WSCD2: variants seen among roughly 807,000 people sequenced by gnomAD.
WSCD2 encodes the protein sialate:O-sulfotransferase 2.
WSCD2 carries 28 observed loss-of-function variants against 55.7 expected under a neutral mutation model. That is an observed-to-expected ratio of 0.50 (90% CI 0.37 to 0.69). WSCD2 has a LOEUF of 0.69. WSCD2 is among the 30% of genes least tolerant of loss of function. WSCD2 has a pLI of 0.00. For synonymous variants in WSCD2, 301 were observed against 301.9 expected (o/e 1.00, Z 0.03); for missense variants, 616 against 762.1 (o/e 0.81, Z 2.26).
intron 1 of WSCD2, among the ~76,000 whole-genome samples, chr12:108,193,646 CGAAT>C (rs1565951213): frequency 6.6e-6 from 1 of 151,148 alleles, no homozygotes. Flanking sequence ...GATGGGTTAA[CGAAT>C]GGATGGGTGG....
chr12:108,230,931 A>G (rs1232493059), intron 6 of WSCD2, among the ~76,000 whole-genome samples: 2 of 152,186 alleles, frequency 1.3e-5, no homozygotes, highest in African/African-American at 2.4e-5. Flanking sequence ...TCTGCTGGCA[A>G]TGTGGCGGTG....
At chr12:108,134,250 C>A (rs776130758) in intron 1 of WSCD2, among the ~76,000 whole-genome samples, 6 of 152,128 alleles carry the variant, frequency 3.9e-5, no homozygotes, top group Non-Finnish European at 2.9e-5. Flanking sequence ...CTCCCTGTAT[C>A]CATGCCCTTA....
intron 1 of WSCD2, among the ~76,000 whole-genome samples, chr12:108,167,079 TG>T (rs1339714436): frequency 6.6e-6 from 1 of 152,088 alleles, no homozygotes; most frequent in Non-Finnish European, 1.5e-5. Flanking sequence ...CCCAAAGTGC[TG>T]GGATTATAGG....
At chr12:108,159,564 A>G (rs1397490662) in intron 1 of WSCD2, among the ~76,000 whole-genome samples, 1 of 152,222 alleles carries the variant, frequency 6.6e-6, no homozygotes, top group African/African-American at 2.4e-5. Flanking sequence ...AGTCTGGCAC[A>G]TCATAGATGC....
chr12:108,243,469 C>A (rs1401913046), intron 8 of WSCD2, among the ~76,000 whole-genome samples: 1 of 152,206 alleles, frequency 6.6e-6, no homozygotes, highest in Admixed American at 6.5e-5. Context: ...AATCTGACCT[C>A]GTGATCCACC....
intron 1 of WSCD2, among the ~76,000 whole-genome samples, chr12:108,147,505 G>A (rs1274543257): frequency 7.9e-5 from 12 of 151,988 alleles, no homozygotes; most frequent in Non-Finnish European, 5.9e-5. Context: ...GCAGGGGAAG[G>A]GAGGGTTACT....
chr12:108,243,466 C>T (rs1889897444), intron 8 of WSCD2, among the ~76,000 whole-genome samples: 1 of 152,178 alleles, frequency 6.6e-6, no homozygotes, highest in African/African-American at 2.4e-5. Context: ...CTCAATCTGA[C>T]CTCGTGATCC....
chr12:108,209,261 G>A (rs1394658074), intron 3 of WSCD2, among the ~76,000 whole-genome samples: 1 of 152,042 alleles, frequency 6.6e-6, no homozygotes, highest in African/African-American at 2.4e-5. Flanking sequence ...GCTCATTTTT[G>A]TCTTCTCTCG....
At chr12:108,234,071 G>A (rs532870135) in intron 7 of WSCD2, among the ~76,000 whole-genome samples, 10 of 152,262 alleles carry the variant, frequency 6.6e-5, no homozygotes, top group African/African-American at 1.7e-4. Context: ...CCTGGGCCAC[G>A]CTGGAAGAAG....
chr12:108,250,230 A>G lies in WSCD2; in HGVS notation c.*1887A>G, dbSNP rs1890358715. 1.3e-5 allele frequency: 2 copies of G among 152,034 alleles called. No homozygotes were observed. The highest frequency in any genetic ancestry group is 2.4e-5 in the African/African-American group (1 of 41,250). 9.4% of individuals were successfully genotyped at this position (152,034 alleles called of 1,614,324 possible). On this transcript the variant is annotated 3_prime_UTR_variant, in exon 9 of 9. Coordinates refer to ENST00000547525, the MANE Select transcript of WSCD2 (RefSeq NM_014653.4). ...AGAGAGAGAGAGAGACAACAGAGACAGAGAGAGGCAGAGAGGCATAGAGAG... is the reference window on the plus strand; with the variant it reads ...AGAGAGAGAGAGAGACAACAGAGACGGAGAGAGGCAGAGAGGCATAGAGAG...
intron 1 of WSCD2, among the ~76,000 whole-genome samples, chr12:108,176,057 T>A (rs1213814387): frequency 6.6e-6 from 1 of 152,132 alleles, no homozygotes; most frequent in Non-Finnish European, 1.5e-5. Flanking sequence ...GCCAGGATGG[T>A]CTCGATCTCC....
intron 1 of WSCD2, among the ~76,000 whole-genome samples, chr12:108,168,984 C>T (rs1255067911): frequency 6.6e-6 from 1 of 152,204 alleles, no homozygotes; most frequent in African/African-American, 2.4e-5. Flanking sequence ...TTTACAGCCA[C>T]TCCTCATTGC....
chr12:108,173,179 T>A (rs1880411120), intron 1 of WSCD2, among the ~76,000 whole-genome samples: 1 of 152,184 alleles, frequency 6.6e-6, no homozygotes, highest in South Asian at 2.1e-4. Context: ...GCACCCTTGC[T>A]GCTGCTTCAC....
chr12:108,171,570 A>G (rs1447202661), intron 1 of WSCD2: 3 of 152,246 alleles, frequency 2.0e-5, no homozygotes, highest in Admixed American at 2.0e-4. Flanking sequence ...GATTAAATAT[A>G]TTATCAAAAT....
chr12:108,243,377 ACAGGTGCC>A (rs2137240652), intron 8 of WSCD2, among the ~76,000 whole-genome samples: 1 of 152,294 alleles, frequency 6.6e-6, no homozygotes, highest in Admixed American at 6.5e-5. Context: ...AGCTGGGACT[ACAGGTGCC>A]CAGCACCACA....
At chr12:108,154,057 A>G (rs4964638) in intron 1 of WSCD2, among the ~76,000 whole-genome samples, 119,569 of 152,132 alleles carry the variant, frequency 0.79, 47,458 homozygotes, top group East Asian at 0.91. Flanking sequence ...GTTGTTACTG[A>G]TTTAGAGAAA....
intron 1 of WSCD2, among the ~76,000 whole-genome samples, chr12:108,145,731 A>G (rs746623816): frequency 4.6e-5 from 7 of 152,212 alleles, no homozygotes; most frequent in Non-Finnish European, 7.3e-5. Flanking sequence ...AATGTCCATT[A>G]TGGTAGAATA....
chr12:108,215,892 G>T (rs1476763961), intron 4 of WSCD2, among the ~76,000 whole-genome samples: 1 of 151,048 alleles, frequency 6.6e-6, no homozygotes, highest in Non-Finnish European at 1.5e-5. Context: ...AAAGGGAGTT[G>T]ATGAACAGTT....
rs1890252210 is a variant in WSCD2, at chr12:108,248,597, A to G, written c.*254A>G. ...ATCTTGTTTAGGGGGTTCTAGTTAC[A>G]TGGACTCTTTTCTGTCTCCTGGGTC... is the stretch of plus-strand genomic sequence containing the variant. On this transcript the variant is annotated 3_prime_UTR_variant, in exon 9 of 9. Transcript: ENST00000547525. The surrounding 1 kb of genome is among the most constrained non-coding windows in gnomAD (Gnocchi z 4.3). 2.4e-6 allele frequency: 3 copies of G among 1,265,246 alleles called. No homozygotes were observed. Among genetic ancestry groups the G allele is most frequent in the South Asian group, 2.3e-5 (1 of 43,170 alleles). The allele number at this position is 1,265,246 out of a possible 1,614,324, so 78.4% of individuals were successfully genotyped here. A position where few individuals can be genotyped will look rare whatever the true frequency, so the allele number is the denominator to read the frequency against.
Sources: gnomAD v4.1 joint callset for allele counts (sites outside exome capture counted in the v4.1 genomes callset) on GRCh38, gnomAD v4.1.1 for gene constraint, Gnocchi (gnomAD v3.1) non-coding constraint, MANE v1.5 for transcripts, NCBI Gene and HGNC (gene_info 2026-07-23, HGNC 2026-07-21) for gene names.